The following MSH6 variants were observed in gnomAD, a reference collection of about 807,000 sequenced individuals.
MSH6 encodes the protein DNA mismatch repair protein Msh6.
In MSH6, 85 loss-of-function variants were observed where a neutral mutation model predicts 119.1. That is an observed-to-expected ratio of 0.71 (90% CI 0.60 to 0.85). The LOEUF (loss-of-function observed/expected upper bound fraction) is 0.85, where lower values mean the gene tolerates loss of function less well. Among genes scored for constraint, MSH6 ranks in the 40% least tolerant of loss-of-function variants. MSH6 has a pLI of 0.00. For synonymous variants in MSH6, 830 were observed against 586.9 expected, an observed-to-expected ratio of 1.41 and a Z score of -5.99; for missense variants, 2,163 against 1,655.3, an observed-to-expected ratio of 1.31 and a Z score of -5.32.
At chr2:47,795,783 A>T in intron 2 of MSH6, 111 bp from the exon 3 acceptor site, 1 of 907,470 alleles carries the variant, frequency 1.1e-6, no homozygotes, top group Non-Finnish European at 1.8e-6. Context: ...TATATATTTT[A>T]AGATAGAGAT....
chr2:47,806,206 A>G lies in MSH6; in HGVS notation c.3649A>G (p.Arg1217Gly), dbSNP rs587780677. The G allele has an allele frequency of 3.2e-5, 51 of 1,613,880 alleles. No homozygotes were observed. The highest frequency in any genetic ancestry group is 4.2e-5 in the Non-Finnish European group (50 of 1,179,892). The change falls in exon 8 of 10, where the codon AGA becomes GGA. Residue 1217 changes from arginine (R) to glycine (G), a missense_variant and splice_region_variant. Transcript: ENST00000234420. ...HSLVLVDELG[R>G]GTATFDGTAI... is the part of the protein sequence containing the mutation. The stretch of plus-strand genomic sequence containing the variant: ...TTATGCATATTTTACTTTAACAGGA[A>G]GAGGTACTGCAACATTTGATGGGAC...
rs765983691 is a variant in MSH6 at position 47,799,589 on chromosome 2, A to G, written c.1606A>G (p.Ser536Gly). 4.3e-6 allele frequency: 7 copies of G among 1,614,234 alleles called. No individual in the cohort carries two copies. The highest frequency in any genetic ancestry group is 5.1e-6 in the Non-Finnish European group (6 of 1,180,026). Reference protein sequence around the residue: ...VLEGDPSENYSKYLLSLKEKE... With the variant: ...VLEGDPSENYGKYLLSLKEKE... ...GGAAGGTGATCCCTCTGAGAACTAC[A>G]GTAAGTATCTTCTTAGCCTCAAAGA... Residue 536 changes from serine (S) to glycine (G), a missense_variant, in exon 4 of 10, where the codon AGT becomes GGT. By Grantham distance (56) the Ser-to-Gly change is moderately conservative. Coordinates refer to ENST00000234420, the MANE Select transcript of MSH6 (RefSeq NM_000179.3).
At chr2:47,789,658 T>C (rs550064506) in intron 1 of MSH6, among the ~76,000 whole-genome samples, 5 of 152,326 alleles carry the variant, frequency 3.3e-5, no homozygotes, top group South Asian at 2.1e-4. Flanking sequence ...AGGACCCCCC[T>C]GTGAATACCC....
At chr2:47,787,230 A>G (rs1350156478) in intron 1 of MSH6, among the ~76,000 whole-genome samples, 2 of 152,198 alleles carry the variant, frequency 1.3e-5, no homozygotes, top group Non-Finnish European at 2.9e-5. Flanking sequence ...TTGAGGCTGC[A>G]GTAAGCCAAG....
At chr2:47,797,302 T>C (rs950874957) in intron 3 of MSH6, among the ~76,000 whole-genome samples, 1 of 152,190 alleles carries the variant, frequency 6.6e-6, no homozygotes, top group Non-Finnish European at 1.5e-5. Flanking sequence ...CCTTTTTCAA[T>C]AGATAAGATA....
chr2:47,807,843 G>T (rs920816783), downstream of MSH6: 5 of 310,848 alleles, frequency 1.6e-5, no homozygotes, highest in East Asian at 2.4e-4. Flanking sequence ...CTTTTCAGAA[G>T]TTGGTATCTG....
At chr2:47,807,493 GT>G, downstream of MSH6, 2 of 207,480 alleles carry the variant, frequency 9.6e-6, no homozygotes, top group Non-Finnish European at 2.0e-5. Context: ...TAAGATTAGT[GT>G]TTTCTCTTTC....
chr2:47,788,922 G>GTTTTTGTTTTTTTTTTTT (rs1668541219), intron 1 of MSH6, among the ~76,000 whole-genome samples: 1 of 40,932 alleles, frequency 2.4e-5, no homozygotes, highest in African/African-American at 1.0e-4. Flanking sequence ...TTTTTTTTTT[G>GTTTTTGTTTTTTTTTTTT]TTTTTTTTTT....
At position 47,800,504 on chromosome 2, in the gene MSH6, AG is replaced by A; in HGVS notation, c.2524del (p.Ala842LeufsTer2). The part of the protein sequence containing the change: ...PLKSQNHPDS[R>X]AIMYEETTYS... ...GAAGAGTCAGAACCACCCAGACAGC[AG>A]GGCTATAATGTATGAAGAAACTACA... On this transcript the variant is annotated frameshift_variant, in exon 4 of 10. Transcript: ENST00000234420. LOFTEE classifies it high-confidence loss of function. 1 of 1,612,926 alleles carries A rather than the reference AG, an allele frequency of 6.2e-7. No individual in the cohort carries two copies. The highest frequency in any genetic ancestry group is 8.5e-7 in the Non-Finnish European group (1 of 1,179,726).
chr2:47,796,684 G>C (rs1397614071), intron 3 of MSH6, among the ~76,000 whole-genome samples: 1 of 152,248 alleles, frequency 6.6e-6, no homozygotes, highest in Non-Finnish European at 1.5e-5. Context: ...TTAGGGGCCA[G>C]GTGTGGTGGT....
chr2:47,785,970 C>T (rs1668324426), intron 1 of MSH6, among the ~76,000 whole-genome samples: 1 of 152,226 alleles, frequency 6.6e-6, no homozygotes, highest in African/African-American at 2.4e-5. Flanking sequence ...AAAGAAACTG[C>T]AGTGTCTAGA....
At chr2:47,784,898 C>G (rs1314924547) in intron 1 of MSH6, 1 of 152,234 alleles carries the variant, frequency 6.6e-6, no homozygotes. Flanking sequence ...GCGTTCTTGG[C>G]TCACCACAAC....
Position 47,800,433 on chromosome 2 carries a change from A to C in MSH6, c.2450A>C (p.Asp817Ala). Residue 817 changes from aspartate (D) to alanine (A), a missense_variant, in exon 4 of 10, where the codon GAT (aspartate) becomes GCT (alanine). Asp to Ala is a moderately radical substitution (Grantham distance 126, BLOSUM62 -2). Coordinates refer to ENST00000234420, the MANE Select transcript of MSH6 (RefSeq NM_000179.3). Reference protein sequence around the residue: ...EVVELLKKLPDLERLLSKIHN... With the variant: ...EVVELLKKLPALERLLSKIHN... ...GTAGAGCTTCTAAAGAAGCTTCCAGATCTTGAGAGGCTACTCAGTAAAATT... is the reference window on the plus strand; with the variant it reads ...GTAGAGCTTCTAAAGAAGCTTCCAGCTCTTGAGAGGCTACTCAGTAAAATT... 6.2e-7 allele frequency: 1 copy of C among 1,614,062 alleles called. No homozygotes were observed. Among genetic ancestry groups the C allele is most frequent in the Non-Finnish European group, 8.5e-7 (1 of 1,180,018 alleles).
chr2:47,791,154 T>TTGTG lies in MSH6; in HGVS notation c.457+50_457+53dup, dbSNP rs397839804. 521 of 1,317,924 alleles carry TTGTG rather than the reference T, an allele frequency of 4.0e-4. 1 individual carries two copies. The highest frequency in any genetic ancestry group is 2.3e-3 in the African/African-American group (161 of 68,890). The allele number at this position is 1,317,924 out of a possible 1,614,324, so 81.6% of individuals were successfully genotyped here. A position where few individuals can be genotyped will look rare whatever the true frequency, so the allele number is the denominator to read the frequency against. On this transcript the variant is annotated intron_variant, in intron 2 of 9. Transcript: ENST00000234420. ...AGTCACTACTGCCATGTGTGTGTGT[T>TTGTG]TGTGTGTGTGTGTGTGTGTGTGAGA...
downstream of MSH6, chr2:47,807,076 T>C (rs1670261224): frequency 3.6e-6 from 2 of 550,628 alleles, no homozygotes; most frequent in Non-Finnish European, 6.4e-6. Flanking sequence ...GCATACACTT[T>C]CAGGCTGTTT....
rs372990379 is a variant in MSH6, at chr2:47,800,400, C to G, written c.2417C>G (p.Ser806Cys). Residue 806 changes from serine to cysteine, a missense_variant, in exon 4 of 10, where the codon TCC (serine) becomes TGC (cysteine). Ser to Cys is a moderately radical substitution (Grantham distance 112). Coordinates refer to ENST00000234420, the MANE Select transcript of MSH6 (RefSeq NM_000179.3). ...EDLMVVPDKI[S>C]EVVELLKKLP... is the part of the protein sequence containing the mutation. ...CTCATGGTTGTGCCTGACAAAATCTCCGAAGTTGTAGAGCTTCTAAAGAAG... is the reference window on the plus strand; with the variant it reads ...CTCATGGTTGTGCCTGACAAAATCTGCGAAGTTGTAGAGCTTCTAAAGAAG... 31 of 1,613,898 alleles carry G rather than the reference C, an allele frequency of 1.9e-5. No individual in the cohort carries two copies. In the African/African-American group the frequency reaches 2.5e-4, roughly 13 times the overall value.
chr2:47,797,946 TTA>T (rs1669197638), intron 3 of MSH6: 4 of 206,936 alleles, frequency 1.9e-5, no homozygotes, highest in East Asian at 1.2e-4. Flanking sequence ...TTTTATAGTT[TTA>T]GTCTTTTAGC....
chr2:47,809,438 G>A (rs762548739), downstream of MSH6: 89 of 690,044 alleles, frequency 1.3e-4, no homozygotes, highest in Non-Finnish European at 2.0e-4. Flanking sequence ...CCTTGTATAA[G>A]ATACTCCAAC....
intron 5 of MSH6, among the ~76,000 whole-genome samples, chr2:47,804,108 GCT>G (rs895279830): frequency 3.9e-5 from 6 of 152,026 alleles, no homozygotes; most frequent in African/African-American, 1.4e-4. Flanking sequence ...GTTGAAAACT[GCT>G]CTTTAGGGAT....
Sources: gnomAD v4.1 joint callset for allele counts (sites outside exome capture counted in the v4.1 genomes callset) on GRCh38, gnomAD v4.1.1 for gene constraint, MANE v1.5 for transcripts, NCBI Gene and HGNC (gene_info 2026-07-23, HGNC 2026-07-21) for gene names.